Variants in LTBP1 observed in about 807,000 individuals in gnomAD.
LTBP1 encodes the protein latent-transforming growth factor beta-binding protein 1.
In LTBP1, 129 loss-of-function variants were observed where a neutral mutation model predicts 207.6. The observed-to-expected ratio is 0.62, with a 90% confidence interval of 0.54 to 0.72. The LOEUF (loss-of-function observed/expected upper bound fraction) is 0.72. Ranked by LOEUF, LTBP1 falls within the 30% of genes least tolerant of loss-of-function variation. The pLI, the probability that LTBP1 is intolerant of heterozygous loss-of-function variation, is 0.00. For synonymous variants in LTBP1, 963 were observed against 833.7 expected, an observed-to-expected ratio of 1.16 and a Z score of -2.67; for missense variants, 2,281 against 2,217.2, an observed-to-expected ratio of 1.03 and a Z score of -0.58.
At chr2:33,088,782 G>A (rs1434771082) in intron 3 of LTBP1, among the ~76,000 whole-genome samples, 1 of 152,110 alleles carries the variant, frequency 6.6e-6, no homozygotes, top group Non-Finnish European at 1.5e-5. Flanking sequence ...TTGGGGACTT[G>A]TATGCTATTT....
At chr2:33,111,305 C>G (rs575132415) in intron 4 of LTBP1, among the ~76,000 whole-genome samples, 1 of 152,294 alleles carries the variant, frequency 6.6e-6, no homozygotes, top group African/African-American at 2.4e-5. Flanking sequence ...AGGACAAGGC[C>G]TGGCTCAAAG....
At chr2:33,370,399 A>C (rs1231453065) in intron 31 of LTBP1, among the ~76,000 whole-genome samples, 2 of 152,196 alleles carry the variant, frequency 1.3e-5, no homozygotes, top group African/African-American at 4.8e-5. Context: ...GGGGGAGCTT[A>C]TCAAAAAACA....
chr2:33,121,159 C>CTTTTTTTTTTTTTTTTTTTTTTT (rs61065486), intron 4 of LTBP1, among the ~76,000 whole-genome samples: 4 of 87,536 alleles, frequency 4.6e-5, no homozygotes, highest in Non-Finnish European at 6.1e-5. Context: ...TTTGTAAAGT[C>CTTTTTTTTTTTTTTTTTTTTTTT]TTTTTTTTTT....
chr2:33,387,832 G>C (rs2095280759), intron 31 of LTBP1, among the ~76,000 whole-genome samples: 1 of 151,528 alleles, frequency 6.6e-6, no homozygotes, highest in Admixed American at 6.6e-5. Flanking sequence ...GAAAATTCCA[G>C]GCAAGTGTGG....
chr2:33,150,704 CT>C (rs1211013076), intron 5 of LTBP1, among the ~76,000 whole-genome samples: 20 of 108,842 alleles, frequency 1.8e-4, no homozygotes, highest in African/African-American at 6.6e-4. Flanking sequence ...TTTCTTTTTT[CT>C]TTTTCTTTTT....
intron 4 of LTBP1, among the ~76,000 whole-genome samples, chr2:33,128,891 A>C (rs978718139): frequency 2.6e-5 from 4 of 152,232 alleles, no homozygotes; most frequent in African/African-American, 9.6e-5. Flanking sequence ...AGCATTTCAA[A>C]TACTACTATC....
intron 4 of LTBP1, among the ~76,000 whole-genome samples, chr2:33,129,691 AG>A: frequency 6.6e-6 from 1 of 152,306 alleles, no homozygotes; most frequent in Middle Eastern, 3.4e-3. Context: ...GTAAATTTTT[AG>A]GGGAAAAATG....
chr2:33,357,909 ATAGAAACCCTCCACCCC>A (rs2094883590), intron 26 of LTBP1, among the ~76,000 whole-genome samples: 1 of 152,188 alleles, frequency 6.6e-6, no homozygotes. Context: ...AGTTTCCAAT[ATAGAAACCCTCCACCCC>A]TGGCAGCAAT....
intron 19 of LTBP1, among the ~76,000 whole-genome samples, chr2:33,281,957 G>A (rs1374107572): frequency 1.3e-5 from 2 of 151,592 alleles, no homozygotes; most frequent in African/African-American, 4.9e-5. Flanking sequence ...TAGTGTAAAC[G>A]CAGCCCTGAT....
chr2:33,072,222 G>A (rs2077826784), intron 3 of LTBP1, among the ~76,000 whole-genome samples: 2 of 152,206 alleles, frequency 1.3e-5, no homozygotes, highest in Admixed American at 1.3e-4. Flanking sequence ...AGACGAAGAG[G>A]TGCTTAGGGA....
Position 33,134,672 on chromosome 2 carries a change from C to G in LTBP1, c.1034-121C>G, listed in dbSNP as rs996951869. On this transcript the variant is annotated intron_variant, in intron 4 of 33. Transcript: ENST00000404816. This position sits in a 1 kb window ranked among gnomAD's most constrained non-coding sequence, Gnocchi z 4.4. The stretch of plus-strand genomic sequence containing the variant: ...TTAAACCTGTCGGGTTGTGGGCTCT[C>G]TCTTTTCCCCTCTTGCTCCTTTCTT... 12 of 1,584,120 alleles carry G rather than the reference C, an allele frequency of 7.6e-6. No individual in the cohort carries two copies. The highest frequency in any genetic ancestry group is 1.7e-4 in the Middle Eastern group (1 of 5,958).
intron 32 of LTBP1, among the ~76,000 whole-genome samples, chr2:33,390,612 C>G (rs747098416): frequency 6.6e-6 from 1 of 151,988 alleles, no homozygotes; most frequent in Non-Finnish European, 1.5e-5. Context: ...CCCAGTCTCC[C>G]GAGAAGCTGG....
rs369405822 is a variant in LTBP1 at position 33,070,953 on chromosome 2, C to T, written c.864-39629C>T. 4.6e-5 allele frequency among the ~76,000 whole-genome samples: 7 copies of T among 152,214 alleles called. No individual in the cohort carries two copies. In the East Asian group the frequency reaches 1.2e-3, roughly 25 times the overall value. ...TCCAATTGCTGGGCTGAGTGATTCT[C>T]TAAAGCAGTGGTTCTCACCCTTGCT... is the stretch of plus-strand genomic sequence containing the variant. On this transcript the variant is annotated intron_variant, in intron 3 of 33. Coordinates refer to ENST00000404816, the MANE Select transcript of LTBP1 (RefSeq NM_206943.4).
chr2:33,330,703 A>G (rs1197989351), intron 24 of LTBP1, among the ~76,000 whole-genome samples: 1 of 151,664 alleles, frequency 6.6e-6, no homozygotes, highest in Non-Finnish European at 1.5e-5. Context: ...ATAGCAGTCT[A>G]AGCTTCAGTA....
chr2:33,290,083 G>A (rs1435685269), intron 19 of LTBP1, among the ~76,000 whole-genome samples: 2 of 152,218 alleles, frequency 1.3e-5, no homozygotes, highest in Admixed American at 6.5e-5. Flanking sequence ...TGCTGGAGAA[G>A]TGGCAGGTGA....
At chr2:33,318,244 G>A (rs754302179) in intron 24 of LTBP1, among the ~76,000 whole-genome samples, 24 of 152,188 alleles carry the variant, frequency 1.6e-4, no homozygotes, top group Non-Finnish European at 8.8e-5. Context: ...GCTGGGAGAG[G>A]AAGGAGAAAC....
chr2:32,974,522 C>T (rs1681414273), intron 2 of LTBP1, among the ~76,000 whole-genome samples: 2 of 152,040 alleles, frequency 1.3e-5, no homozygotes, highest in Non-Finnish European at 1.5e-5. Context: ...ATATTTTCTC[C>T]CATTCTGTGG....
chr2:33,115,253 A>G (rs1405564389), intron 4 of LTBP1, among the ~76,000 whole-genome samples: 3 of 152,192 alleles, frequency 2.0e-5, no homozygotes, highest in African/African-American at 2.4e-5. Context: ...AAGAATCCAG[A>G]CTACATGCTA....
intron 2 of LTBP1, among the ~76,000 whole-genome samples, chr2:32,991,303 C>G (rs219153): frequency 0.26 from 40,206 of 152,084 alleles, 6,547 homozygotes; most frequent in Non-Finnish European, 0.38. Flanking sequence ...TACTTTTTGG[C>G]TCATTACACA....
Sources: allele counts gnomAD v4.1 joint callset (sites outside exome capture counted in the v4.1 genomes callset), GRCh38; gene constraint gnomAD v4.1.1; non-coding constraint Gnocchi (gnomAD v3.1); transcripts MANE v1.5; gene names NCBI Gene and HGNC (gene_info 2026-07-23, HGNC 2026-07-21).